Variants in TULP4 observed in about 807,000 individuals in gnomAD.
The protein encoded by TULP4 is TUB like protein 4, also known as tubby-related protein 4.
In TULP4, 16 loss-of-function variants were observed where a neutral mutation model predicts 129.0. The observed-to-expected ratio is 0.12, with a 90% confidence interval of 0.08 to 0.19. The LOEUF (loss-of-function observed/expected upper bound fraction) is 0.19. Among genes scored for constraint, TULP4 ranks in the 10% least tolerant of loss-of-function variants. The pLI, the probability that TULP4 is intolerant of heterozygous loss-of-function variation, is 1.00. For synonymous variants in TULP4, 998 were observed against 854.0 expected, an observed-to-expected ratio of 1.17 and a Z score of -2.94; for missense variants, 1,842 against 2,059.1, an observed-to-expected ratio of 0.89 and a Z score of 2.04.
At chr6:158,415,641 T>A (rs1280912949) in intron 2 of TULP4, among the ~76,000 whole-genome samples, 5 of 150,046 alleles carry the variant, frequency 3.3e-5, no homozygotes, top group African/African-American at 7.4e-5. Context: ...ATTACAGGCA[T>A]GAGCCACTGC....
chr6:158,304,514 G>A (rs903847343), intron 1 of TULP4, among the ~76,000 whole-genome samples: 1 of 152,164 alleles, frequency 6.6e-6, no homozygotes, highest in Non-Finnish European at 1.5e-5. Flanking sequence ...TGTGTTAACA[G>A]TGCTCAGGGT....
chr6:158,385,326 C>G (rs1777414179), intron 1 of TULP4, among the ~76,000 whole-genome samples: 1 of 152,214 alleles, frequency 6.6e-6, no homozygotes. Context: ...TATAATTTCT[C>G]TGCAGTCAGG....
rs185443842 is a variant in TULP4, at chr6:158,507,498, G to C, written c.*804G>C. 2 of 152,180 alleles carry C rather than the reference G, an allele frequency of 1.3e-5. No homozygotes were observed. Among genetic ancestry groups the C allele is most frequent in the South Asian group, 2.1e-4 (1 of 4,830 alleles). The allele number at this position is 152,180 out of a possible 1,614,324, so 9.4% of individuals were successfully genotyped here. On this transcript the variant is annotated 3_prime_UTR_variant, in exon 14 of 14. Coordinates refer to ENST00000367097, the MANE Select transcript of TULP4 (RefSeq NM_020245.5). ...TAGTTTCATCGTTTGTCAAAGTTCC[G>C]TAGGATCAGTGATGGTCATTCAGCA...
chr6:158,374,145 C>G (rs1392441611), intron 1 of TULP4, among the ~76,000 whole-genome samples: 2 of 152,092 alleles, frequency 1.3e-5, no homozygotes, highest in African/African-American at 2.4e-5. Flanking sequence ...AAACAGCAGC[C>G]AAGCACAGTA....
intron 1 of TULP4, among the ~76,000 whole-genome samples, chr6:158,351,847 G>A (rs1025761414): frequency 3.4e-5 from 5 of 145,854 alleles, no homozygotes; most frequent in Admixed American, 2.1e-4. Context: ...TCAGCCTCCC[G>A]AGTAGCTGGG....
intron 1 of TULP4, among the ~76,000 whole-genome samples, chr6:158,388,327 T>TTC (rs1777500726): frequency 1.2e-5 from 1 of 85,590 alleles, no homozygotes; most frequent in African/African-American, 3.5e-5. Flanking sequence ...TTTTTCTTTT[T>TTC]TTTTTTTTTT....
intron 7 of TULP4, 84 bp downstream of exon 7, chr6:158,480,059 C>A: frequency 9.0e-7 from 1 of 1,109,536 alleles, no homozygotes; most frequent in South Asian, 1.5e-5. Flanking sequence ...GGTGAGGGTA[C>A]CAGAGTGAGC....
At chr6:158,393,099 C>T (rs1212193937) in intron 1 of TULP4, among the ~76,000 whole-genome samples, 5 of 152,078 alleles carry the variant, frequency 3.3e-5, no homozygotes, top group Non-Finnish European at 5.9e-5. Context: ...AACAAAGGGG[C>T]TACAGGCCCC....
chr6:158,468,485 C>G (rs111851947), intron 6 of TULP4, among the ~76,000 whole-genome samples: 1,605 of 152,268 alleles, frequency 0.011, 28 homozygotes, highest in African/African-American at 0.037. Flanking sequence ...ATAACTTAAA[C>G]TTATTTGCCA....
chr6:158,396,055 C>T (rs1777707563), intron 1 of TULP4, among the ~76,000 whole-genome samples: 1 of 152,070 alleles, frequency 6.6e-6, no homozygotes, highest in Admixed American at 6.6e-5. Flanking sequence ...TTTCCTGTGC[C>T]TCAGTTTTCT....
At chr6:158,444,277 G>A (rs1307856859) in intron 3 of TULP4, among the ~76,000 whole-genome samples, 5 of 84,734 alleles carry the variant, frequency 5.9e-5, no homozygotes, top group African/African-American at 1.4e-4. Flanking sequence ...AACTTTTGCC[G>A]CATCTCAGAA....
intron 3 of TULP4, among the ~76,000 whole-genome samples, chr6:158,434,773 G>A (rs1335368425): frequency 6.6e-6 from 1 of 152,206 alleles, no homozygotes; most frequent in Admixed American, 6.5e-5. Flanking sequence ...TCCATGCTGA[G>A]TGTGGTCCTC....
At chr6:158,476,376 T>A (rs1045340874) in intron 6 of TULP4, among the ~76,000 whole-genome samples, 8 of 152,150 alleles carry the variant, frequency 5.3e-5, no homozygotes, top group Non-Finnish European at 1.0e-4. Flanking sequence ...ATTATTCCTT[T>A]GAGACCCTGC....
chr6:158,427,827 T>C (rs1048432705), intron 2 of TULP4: 1 of 151,888 alleles, frequency 6.6e-6, no homozygotes, highest in Non-Finnish European at 1.5e-5. Context: ...AGTAAAAAGG[T>C]TGAAAGTTTA....
At chr6:158,277,210 G>A (rs1407509058) in intron 1 of TULP4, among the ~76,000 whole-genome samples, 2 of 152,146 alleles carry the variant, frequency 1.3e-5, no homozygotes, top group African/African-American at 4.8e-5. Flanking sequence ...CAAAGTGCTG[G>A]GATTACAGGC....
intron 1 of TULP4, among the ~76,000 whole-genome samples, chr6:158,339,175 C>CG (rs1780116832): frequency 6.6e-6 from 1 of 151,982 alleles, no homozygotes; most frequent in Non-Finnish European, 1.5e-5. Flanking sequence ...AGCTGGTGTC[C>CG]TGGGGGAGAC....
Position 158,506,439 on chromosome 6 carries a change from G to A in TULP4, c.4516-139G>A, listed in dbSNP as rs1780604355. ...ATAGAGACGGGGTTTCACCGTGTTA[G>A]CCAGGGTGGTCTCTATCTCCTGACG... On this transcript the variant is annotated intron_variant, in intron 13 of 13. Transcript: ENST00000367097. The A allele has an allele frequency of 4.3e-6, 3 of 700,214 alleles. No homozygotes were observed. In the Admixed American group the frequency reaches 5.5e-5, roughly 13 times the overall value. 43.4% of individuals were successfully genotyped at this position (700,214 alleles called of 1,614,324 possible).
rs532601365 is a variant in TULP4 at position 158,486,263 on chromosome 6, G to A, written c.1487-3325G>A. Among the ~76,000 whole-genome samples, 277 of 152,190 alleles carry A rather than the reference G, an allele frequency of 1.8e-3. 1 individual carries two copies. Among genetic ancestry groups the A allele is most frequent in the African/African-American group, 6.3e-3 (261 of 41,514 alleles). On this transcript the variant is annotated intron_variant, in intron 8 of 13. Coordinates refer to ENST00000367097, the MANE Select transcript of TULP4 (RefSeq NM_020245.5). ...TCTTAAGGGAGGTCCTAATCTGATA[G>A]GACAGTTGGCCTTATAAGAAGACAA...
At chr6:158,473,652 G>C (rs997330487) in intron 6 of TULP4, among the ~76,000 whole-genome samples, 2 of 150,804 alleles carry the variant, frequency 1.3e-5, no homozygotes, top group Non-Finnish European at 3.0e-5. Flanking sequence ...CCGAGTAGCT[G>C]GGACTACAGG....
Sources: allele counts gnomAD v4.1 joint callset (sites outside exome capture counted in the v4.1 genomes callset), GRCh38; gene constraint gnomAD v4.1.1; transcripts MANE v1.5; gene names NCBI Gene and HGNC (gene_info 2026-07-23, HGNC 2026-07-21).